The following SCNN1A variants were observed in gnomAD, a reference collection of about 807,000 sequenced individuals.
SCNN1A encodes epithelial sodium channel subunit alpha.
SCNN1A carries 65 observed loss-of-function variants against 68.6 expected under a neutral mutation model. The ratio of observed to expected loss-of-function variants is 0.95; its 90% confidence interval spans 0.78 to 1.16. The LOEUF is 1.16. Among genes scored for constraint, SCNN1A ranks in the 50% most tolerant of loss-of-function variants. The pLI is 0.00. For synonymous variants in SCNN1A, 357 were observed against 353.3 expected (o/e 1.01, Z -0.12); for missense variants, 880 against 865.9 (o/e 1.02, Z -0.20).
upstream of SCNN1A, chr12:6,375,961 G>A: frequency 9.6e-7 from 1 of 1,036,768 alleles, no homozygotes; most frequent in Non-Finnish European, 1.2e-6. Flanking sequence ...AGTGAGTAGA[G>A]GCAGGTGGGG....
rs973504901 is a variant in SCNN1A, at chr12:6,363,372, G to A, written c.684+71C>T. 2.9e-6 allele frequency: 4 copies of A among 1,360,232 alleles called. No individual in the cohort carries two copies. The South Asian group carries it at 6.3e-5, about 21-fold the overall frequency. The allele number at this position is 1,360,232 out of a possible 1,614,324, so 84.3% of individuals were successfully genotyped here. The stretch of plus-strand genomic sequence containing the variant: ...TGCGCGGGCGGGTCAGGAAAGGAGC[G>A]GAGCCCATGGGTGGGCGGGGCCAGG... On this transcript the variant is annotated intron_variant, in intron 3 of 12. Transcript: ENST00000228916.
In SCNN1A at chr12:6,374,932, C is replaced by G. The variant is rs563181534; in HGVS notation, c.-54-95G>C. On this transcript the variant is annotated intron_variant, in intron 1 of 12. Coordinates refer to ENST00000228916, the MANE Select transcript of SCNN1A (RefSeq NM_001038.6). This position sits in a 1 kb window ranked among gnomAD's most constrained non-coding sequence, Gnocchi z 6.2. ...GCCCTCTCCCATCACCCCTGGAACC[C>G]GAGTGAGGCTGCCCCTGGCCATGCC... 7.5e-6 allele frequency: 12 copies of G among 1,595,540 alleles called. No individual in the cohort carries two copies. Among genetic ancestry groups the G allele is most frequent in the South Asian group, 1.1e-5 (1 of 89,290 alleles).
At chr12:6,364,546 G>A (rs1190865499) in intron 2 of SCNN1A, among the ~76,000 whole-genome samples, 2 of 151,992 alleles carry the variant, frequency 1.3e-5, no homozygotes, top group Admixed American at 1.3e-4. Flanking sequence ...ACGGGGTCAG[G>A]GTATCGAGAC....
intron 2 of SCNN1A, among the ~76,000 whole-genome samples, chr12:6,368,244 T>C (rs1948714821): frequency 6.6e-6 from 1 of 152,176 alleles, no homozygotes. Context: ...ACAGTGACTC[T>C]GGGGGCTGCT....
At chr12:6,365,513 C>G (rs1391233015) in intron 2 of SCNN1A, among the ~76,000 whole-genome samples, 2 of 152,122 alleles carry the variant, frequency 1.3e-5, no homozygotes, top group Non-Finnish European at 2.9e-5. Flanking sequence ...GACAATAGAT[C>G]AATGGAATAG....
chr12:6,362,088 A>T lies in SCNN1A; in HGVS notation c.838T>A (p.Phe280Ile). Reference protein sequence around the residue: ...LEEDTLGNFIFACRFNQVSCN... With the variant: ...LEEDTLGNFIIACRFNQVSCN... ...GAGACCTGGTTGAAGCGGCAGGCGAAGATGAAGTTGCCCAGCGTGTCCTCC... is the reference window on the plus strand; with the variant it reads ...GAGACCTGGTTGAAGCGGCAGGCGATGATGAAGTTGCCCAGCGTGTCCTCC... The change falls in exon 4 of 13, where the codon TTC (phenylalanine) becomes ATC (isoleucine). Residue 280 changes from phenylalanine (F) to isoleucine (I), a missense_variant. Physicochemically the swap from Phe to Ile is conservative, Grantham distance 21. Around this residue, in one of 3 missense-constraint regions of SCNN1A, gnomAD observed 758 missense variants for 721.8 expected, o/e 1.05. Transcript: ENST00000228916. 1.2e-6 allele frequency: 2 copies of T among 1,614,232 alleles called. No individual in the cohort carries two copies. Among genetic ancestry groups the T allele is most frequent in the Non-Finnish European group, 1.7e-6 (2 of 1,180,034 alleles).
chr12:6,372,094 T>G lies in SCNN1A; in HGVS notation c.416+2274A>C, dbSNP rs1437371551. Among the ~76,000 whole-genome samples, 1 of 152,228 alleles carries G rather than the reference T, an allele frequency of 6.6e-6. No homozygotes were observed. The highest frequency in any genetic ancestry group is 1.9e-4 in the East Asian group (1 of 5,202). The stretch of plus-strand genomic sequence containing the variant: ...CATCCCAGATCCCTCAATGCCTGCC[T>G]TGGCCTCCCAAAGTGCTGGGATTAC... On this transcript the variant is annotated intron_variant, in intron 2 of 12. Transcript: ENST00000228916. This position sits in a 1 kb window ranked among gnomAD's most constrained non-coding sequence, Gnocchi z 5.8.
chr12:6,366,207 A>G (rs529075580), intron 2 of SCNN1A, among the ~76,000 whole-genome samples: 2 of 152,316 alleles, frequency 1.3e-5, no homozygotes, highest in South Asian at 4.1e-4. Flanking sequence ...TAGTGAGAAT[A>G]TAAAATGATA....
intron 1 of SCNN1A, chr12:6,375,179 T>C: frequency 6.9e-7 from 1 of 1,454,942 alleles, no homozygotes; most frequent in Non-Finnish European, 9.0e-7. Flanking sequence ...CCAGGATCTG[T>C]GTCTCAGCTC....
At chr12:6,357,955 G>A (rs1004852056) in intron 4 of SCNN1A, among the ~76,000 whole-genome samples, 6 of 152,120 alleles carry the variant, frequency 3.9e-5, no homozygotes, top group Non-Finnish European at 7.4e-5. Flanking sequence ...CTGAGATTGC[G>A]CCATTGCACT....
At chr12:6,354,654 C>CCT (rs369130626) in intron 7 of SCNN1A, 96 bp downstream of exon 7, 38 of 1,381,772 alleles carry the variant, frequency 2.8e-5, no homozygotes, top group Middle Eastern at 1.9e-4. Flanking sequence ...CCCCAGTTTC[C>CCT]CTCTCTCTCT....
intron 8 of SCNN1A, chr12:6,353,579 ATTTATTTAT>A (rs1948427028): frequency 6.7e-6 from 1 of 150,262 alleles, no homozygotes; most frequent in African/African-American, 2.5e-5. Context: ...TTTTATTTTT[ATTTATTTAT>A]TTTATTTATT....
At chr12:6,376,250 G>T, upstream of SCNN1A, 1 of 935,182 alleles carries the variant, frequency 1.1e-6, no homozygotes, top group Non-Finnish European at 1.3e-6. Flanking sequence ...CTGATTCCTC[G>T]CCACCCCCTC....
At chr12:6,366,809 A>G (rs1038426697) in intron 2 of SCNN1A, among the ~76,000 whole-genome samples, 5 of 152,064 alleles carry the variant, frequency 3.3e-5, no homozygotes, top group African/African-American at 1.2e-4. Flanking sequence ...TCAAAAAAAA[A>G]AAAAAGAAAA....
At position 6,347,738 on chromosome 12, in the gene SCNN1A, T is replaced by C. The variant is rs1056326514; in HGVS notation, c.*135A>G. The C allele has an allele frequency of 2.2e-5, 17 of 757,826 alleles. No homozygotes were observed. Among genetic ancestry groups the C allele is most frequent in the Non-Finnish European group, 3.9e-5 (17 of 439,698 alleles). The allele number at this position is 757,826 out of a possible 1,614,324, so 46.9% of individuals were successfully genotyped here. ...CAACTTCCTGAGCCCTTACCCATCT[T>C]GCTTCCCCTCCACACATCAACGGCA... On this transcript the variant is annotated 3_prime_UTR_variant, in exon 13 of 13. Transcript: ENST00000228916.
rs1289037083 is a variant in SCNN1A, at chr12:6,363,529, C to T, written c.598G>A (p.Ala200Thr). ...GAGGCCACGCTACGGGCTCGACGGG[C>T]CCCGTGAGGCGGGGGCGGGACCCTC... ...RLRVPPPPHG[A>T]RRARSVASSL... Residue 200 changes from alanine (A) to threonine (T), a missense_variant, in exon 3 of 13, where the codon GCC becomes ACC. By Grantham distance (58) the Ala-to-Thr change is moderately conservative (BLOSUM62 0). Transcript: ENST00000228916. 29 of 1,609,588 alleles carry T rather than the reference C, an allele frequency of 1.8e-5. No individual in the cohort carries two copies. The highest frequency in any genetic ancestry group is 2.2e-5 in the Non-Finnish European group (26 of 1,177,958).
intron 2 of SCNN1A, among the ~76,000 whole-genome samples, chr12:6,366,551 G>A (rs555470952): frequency 2.5e-4 from 38 of 151,628 alleles, no homozygotes; most frequent in Middle Eastern, 3.4e-3. Context: ...CTGTAATCCC[G>A]GCACTTTGGG....
At position 6,362,202 on chromosome 12, in the gene SCNN1A, A is replaced by C. The variant is rs1306147739; in HGVS notation, c.724T>G (p.Ser242Ala). ...NKSDCFYQTY[S>A]SGVDAVREWY... ...TCCCTCACCGCATCCACCCCTGATG[A>C]GTATGTCTGGTAGAAGCAGTCCGAT... is the stretch of plus-strand genomic sequence containing the variant. Residue 242 changes from serine to alanine, a missense_variant, in exon 4 of 13, where the codon TCA becomes GCA. Around this residue, in one of 3 missense-constraint regions of SCNN1A, gnomAD observed 758 missense variants for 721.8 expected, o/e 1.05. Transcript: ENST00000228916. The C allele has an allele frequency of 5.6e-6, 9 of 1,614,008 alleles. No homozygotes were observed. Among genetic ancestry groups the C allele is most frequent in the Non-Finnish European group, 7.6e-6 (9 of 1,180,004 alleles).
In SCNN1A at chr12:6,355,777, C is replaced by T. The variant is rs974854786; in HGVS notation, c.979G>A (p.Gly327Ser). The change falls in exon 5 of 13, where the codon GGT becomes AGT. Residue 327 changes from glycine to serine, a missense_variant and splice_region_variant. Around this residue, in one of 3 missense-constraint regions of SCNN1A, gnomAD observed 758 missense variants for 721.8 expected, o/e 1.05. Coordinates refer to ENST00000228916, the MANE Select transcript of SCNN1A (RefSeq NM_001038.6). ...ATGGAGCAAGCAGGGAGCTTCTCAC[C>T]GTTGTTGATTCCAGGCATGGAAGAC... is the stretch of plus-strand genomic sequence containing the variant. ...WMSSMPGINN[G>S]LSLMLRAEQN... The T allele has an allele frequency of 1.2e-6, 2 of 1,601,816 alleles. No homozygotes were observed. The highest frequency in any genetic ancestry group is 8.6e-7 in the Non-Finnish European group (1 of 1,168,808).
Sources: allele counts gnomAD v4.1 joint callset (sites outside exome capture counted in the v4.1 genomes callset), GRCh38; gene constraint gnomAD v4.1.1; regional missense constraint gnomAD v4.1.1; non-coding constraint Gnocchi (gnomAD v3.1); transcripts MANE v1.5; gene names NCBI Gene and HGNC (gene_info 2026-07-23, HGNC 2026-07-21).